Variants in AGBL4 observed in about 807,000 individuals in gnomAD.
AGBL4 encodes the protein AGBL carboxypeptidase 4.
Under a neutral mutation model 66.4 loss-of-function variants are expected in AGBL4, and 58 were observed. That is an observed-to-expected ratio of 0.87 (90% CI 0.71 to 1.09). The LOEUF is 1.09. Among genes scored for constraint, AGBL4 ranks in the 50% least tolerant of loss-of-function variants. The pLI is 0.00. For missense variants in AGBL4, 579 were observed against 631.0 expected, an observed-to-expected ratio of 0.92 and a Z score of 0.88; for synonymous variants, 234 against 222.9, an observed-to-expected ratio of 1.05 and a Z score of -0.44.
At chr1:48,632,859 TTC>T (rs1314582344) in intron 9 of AGBL4, among the ~76,000 whole-genome samples, 1 of 152,240 alleles carries the variant, frequency 6.6e-6, no homozygotes, top group Non-Finnish European at 1.5e-5. Flanking sequence ...AGACTACAGA[TTC>T]TTCCTGAGAA....
chr1:49,123,056 T>C (rs1309145668), intron 4 of AGBL4, among the ~76,000 whole-genome samples: 1 of 152,142 alleles, frequency 6.6e-6, no homozygotes, highest in Admixed American at 6.5e-5. Flanking sequence ...GGTTTCACTA[T>C]GTTGGCCAGG....
chr1:49,265,551 A>G (rs1315132038), intron 3 of AGBL4, among the ~76,000 whole-genome samples: 2 of 152,180 alleles, frequency 1.3e-5, no homozygotes, highest in African/African-American at 4.8e-5. Context: ...CATTGTGGAA[A>G]GAAATGCTGG....
chr1:49,400,108 C>A (rs995529049), intron 3 of AGBL4, among the ~76,000 whole-genome samples: 1 of 152,100 alleles, frequency 6.6e-6, no homozygotes. Context: ...TGAATATCCA[C>A]TTTCCCCCAC....
chr1:49,826,236 A>C (rs968925299), intron 2 of AGBL4, among the ~76,000 whole-genome samples: 3 of 152,212 alleles, frequency 2.0e-5, no homozygotes, highest in African/African-American at 7.2e-5. Context: ...TTTAAAAAAA[A>C]CAAGCAAAAC....
At chr1:49,851,160 G>A (rs1403334525) in intron 2 of AGBL4, among the ~76,000 whole-genome samples, 3 of 151,932 alleles carry the variant, frequency 2.0e-5, no homozygotes, top group African/African-American at 7.3e-5. Context: ...TAAAATATAA[G>A]CTACTATGTA....
chr1:49,830,813 G>C (rs1029577420), intron 2 of AGBL4, among the ~76,000 whole-genome samples: 19 of 152,124 alleles, frequency 1.2e-4, no homozygotes, highest in Admixed American at 8.5e-4. Context: ...TCCAGTTTCA[G>C]TTTTCTGCAT....
chr1:49,712,580 G>A (rs1297206138), intron 2 of AGBL4, among the ~76,000 whole-genome samples: 1 of 151,864 alleles, frequency 6.6e-6, no homozygotes, highest in African/African-American at 2.4e-5. Context: ...TTGAAAATTT[G>A]CTGAGAGTAG....
intron 2 of AGBL4, among the ~76,000 whole-genome samples, chr1:49,823,491 C>T (rs17099766): frequency 0.081 from 12,337 of 152,134 alleles, 702 homozygotes; most frequent in African/African-American, 0.17. Context: ...GACCAGTTTT[C>T]AAGGAAAATT....
chr1:49,759,170 T>C (rs1442105683), intron 2 of AGBL4, among the ~76,000 whole-genome samples: 1 of 152,222 alleles, frequency 6.6e-6, no homozygotes, highest in Non-Finnish European at 1.5e-5. Context: ...GTCTACCTCT[T>C]TTCTTTATAA....
At chr1:49,487,593 C>T (rs1312636538) in intron 3 of AGBL4, among the ~76,000 whole-genome samples, 1 of 151,898 alleles carries the variant, frequency 6.6e-6, no homozygotes, top group Non-Finnish European at 1.5e-5. Context: ...AAGGTACCTG[C>T]CTCTCCTTTG....
At chr1:48,636,762 TTC>T (rs1557844293) in intron 8 of AGBL4, among the ~76,000 whole-genome samples, 1 of 152,214 alleles carries the variant, frequency 6.6e-6, no homozygotes, top group East Asian at 1.9e-4. Context: ...CTCAGGGTAA[TTC>T]GGCCAGCATA....
chr1:48,717,032 C>T (rs1203865480), intron 6 of AGBL4, among the ~76,000 whole-genome samples: 2 of 152,366 alleles, frequency 1.3e-5, no homozygotes, highest in East Asian at 3.9e-4. Context: ...TTCTGACTTT[C>T]AGCTTCAGGC....
chr1:49,788,083 A>C (rs558247667), intron 2 of AGBL4, among the ~76,000 whole-genome samples: 1 of 152,376 alleles, frequency 6.6e-6, no homozygotes, highest in Non-Finnish European at 1.5e-5. Flanking sequence ...GAGAATATGC[A>C]AAGTTCTAAG....
intron 3 of AGBL4, among the ~76,000 whole-genome samples, chr1:49,343,536 G>A (rs1423431143): frequency 1.3e-5 from 2 of 152,162 alleles, no homozygotes; most frequent in Non-Finnish European, 2.9e-5. Context: ...CACCACCAGA[G>A]GTAAGACTTC....
chr1:48,767,857 C>T (rs1290361502), intron 6 of AGBL4, among the ~76,000 whole-genome samples: 3 of 152,174 alleles, frequency 2.0e-5, no homozygotes, highest in Non-Finnish European at 1.5e-5. Context: ...TCCTTTTCCT[C>T]CTCCTTTCTA....
chr1:49,573,144 G>C (rs989622216), intron 3 of AGBL4, among the ~76,000 whole-genome samples: 1 of 128,426 alleles, frequency 7.8e-6, no homozygotes, highest in Non-Finnish European at 1.6e-5. Flanking sequence ...GTGTGTGTGT[G>C]TCTGTGTGTG....
rs1644072193 is a variant in AGBL4 at position 49,562,409 on chromosome 1, C to G, written c.282+134904G>C. 2.0e-5 allele frequency among the ~76,000 whole-genome samples: 3 copies of G among 152,184 alleles called. No individual in the cohort carries two copies. In the South Asian group the frequency reaches 6.2e-4, roughly 32 times the overall value. On this transcript the variant is annotated intron_variant, in intron 3 of 13. Coordinates refer to ENST00000371839, the MANE Select transcript of AGBL4 (RefSeq NM_032785.4). ...ATGCCTATGTCCTGAATGGTATTGC[C>G]TAGGTTTTCTTCTAGGGTTTTTATG... is the stretch of plus-strand genomic sequence containing the variant.
intron 3 of AGBL4, among the ~76,000 whole-genome samples, chr1:49,688,750 T>C (rs1251176300): frequency 6.6e-6 from 1 of 152,160 alleles, no homozygotes; most frequent in Non-Finnish European, 1.5e-5. Flanking sequence ...TTGCCTGTCT[T>C]TTGGATATAA....
At chr1:49,174,188 T>C (rs1359017788) in intron 4 of AGBL4, among the ~76,000 whole-genome samples, 3 of 152,114 alleles carry the variant, frequency 2.0e-5, no homozygotes, top group Non-Finnish European at 4.4e-5. Flanking sequence ...GTTGAAACAC[T>C]GTATCATATT....
Sources: allele counts gnomAD v4.1 joint callset (sites outside exome capture counted in the v4.1 genomes callset), GRCh38; gene constraint gnomAD v4.1.1; transcripts MANE v1.5; gene names NCBI Gene and HGNC (gene_info 2026-07-23, HGNC 2026-07-21).